Variants in PDE10A observed in about 807,000 individuals in gnomAD.
PDE10A encodes phosphodiesterase 10A, also known as cAMP and cAMP-inhibited cGMP 3',5'-cyclic phosphodiesterase 10A.
PDE10A carries 39 observed loss-of-function variants against 97.7 expected under a neutral mutation model. The ratio of observed to expected loss-of-function variants is 0.40; its 90% CI spans 0.31 to 0.52. The LOEUF is 0.52. Ranked by LOEUF, PDE10A falls within the 20% of genes least tolerant of loss-of-function variation. The pLI, the probability that PDE10A is intolerant of heterozygous loss-of-function variation, is 0.56. For synonymous variants in PDE10A, 371 were observed against 376.8 expected, an observed-to-expected ratio of 0.98 and a Z score of 0.18; for missense variants, 731 against 1,047.8, an observed-to-expected ratio of 0.70 and a Z score of 4.17.
chr6:165,443,285 G>T (rs1790605989), intron 5 of PDE10A, among the ~76,000 whole-genome samples: 1 of 152,038 alleles, frequency 6.6e-6, no homozygotes, highest in African/African-American at 2.4e-5. Context: ...AACAAATGGG[G>T]TACAGGCCCT....
chr6:165,921,182 C>T (rs145462687), intron 1 of PDE10A, among the ~76,000 whole-genome samples: 19 of 152,298 alleles, frequency 1.2e-4, no homozygotes, highest in African/African-American at 4.6e-4. Flanking sequence ...GGATTATCTC[C>T]AATAACTGGG....
chr6:165,439,468 C>T (rs1195415176), intron 5 of PDE10A, among the ~76,000 whole-genome samples: 1 of 152,118 alleles, frequency 6.6e-6, no homozygotes, highest in African/African-American at 2.4e-5. Flanking sequence ...TCTACTCGAC[C>T]AAAGGCCGCT....
intron 1 of PDE10A, among the ~76,000 whole-genome samples, chr6:165,612,865 T>C (rs1787562565): frequency 6.6e-6 from 1 of 152,192 alleles, no homozygotes; most frequent in Non-Finnish European, 1.5e-5. Context: ...ACCAAAATCT[T>C]ACTGTTTTAA....
rs370604056 is a variant in PDE10A, at chr6:165,435,293, C to T, written c.1279G>A (p.Val427Ile). The change falls in exon 6 of 22, where the codon GTC becomes ATC. Residue 427 changes from valine (V) to isoleucine (I), a missense_variant. This residue lies in a region of PDE10A where 152 missense variants were observed against 199.3 expected (regional missense o/e 0.76). Coordinates refer to ENST00000539869, the MANE Select transcript of PDE10A (RefSeq NM_001385079.1). ...PAGPITQGTT[V>I]SAYVAKSRKT... ...CTGGACTTGGCCACATAAGCAGAGA[C>T]GGTGGTGCCCTGAGTGATGGGCCCA... 98 of 1,613,932 alleles carry T rather than the reference C, an allele frequency of 6.1e-5. No individual in the cohort carries two copies. The highest frequency in any genetic ancestry group is 3.3e-4 in the Middle Eastern group (2 of 6,084).
At chr6:165,511,764 A>G (rs536646458) in intron 2 of PDE10A, among the ~76,000 whole-genome samples, 9 of 152,130 alleles carry the variant, frequency 5.9e-5, no homozygotes, top group African/African-American at 2.2e-4. Flanking sequence ...TTATCATTCT[A>G]CATGATCTCA....
At chr6:165,816,310 T>C (rs146170174) in intron 1 of PDE10A, among the ~76,000 whole-genome samples, 1 of 152,214 alleles carries the variant, frequency 6.6e-6, no homozygotes, top group Non-Finnish European at 1.5e-5. Context: ...ATAAAGAAAC[T>C]TGAATAACCA....
chr6:165,471,559 T>C (rs577102391), intron 3 of PDE10A, among the ~76,000 whole-genome samples: 2 of 152,248 alleles, frequency 1.3e-5, no homozygotes, highest in Admixed American at 1.3e-4. Context: ...AACCACCCCC[T>C]GAACACACAC....
At chr6:165,696,547 G>T (rs970435478) in intron 1 of PDE10A, among the ~76,000 whole-genome samples, 3 of 152,148 alleles carry the variant, frequency 2.0e-5, no homozygotes, top group Non-Finnish European at 4.4e-5. Context: ...TCCACTGGGG[G>T]GGTCTTGGAA....
intron 1 of PDE10A, among the ~76,000 whole-genome samples, chr6:165,652,833 G>GA (rs1212656535): frequency 2.0e-5 from 3 of 152,186 alleles, no homozygotes; most frequent in African/African-American, 7.2e-5. Context: ...TTGCTGTGTA[G>GA]AAATGTTTTC....
intron 1 of PDE10A, among the ~76,000 whole-genome samples, chr6:165,931,205 A>T (rs1236915397): frequency 6.6e-6 from 1 of 152,192 alleles, no homozygotes; most frequent in African/African-American, 2.4e-5. Flanking sequence ...CTAGCTAGGG[A>T]AGCAGCTCTG....
intron 1 of PDE10A, among the ~76,000 whole-genome samples, chr6:165,825,584 C>T (rs1165979727): frequency 3.9e-5 from 6 of 152,306 alleles, no homozygotes; most frequent in Admixed American, 3.3e-4. Context: ...GCCATCTGGG[C>T]GGCCACAAAA....
chr6:165,906,765 A>C (rs376374426), intron 1 of PDE10A, among the ~76,000 whole-genome samples: 2 of 152,342 alleles, frequency 1.3e-5, no homozygotes, highest in African/African-American at 4.8e-5. Flanking sequence ...CAAAGGGCAG[A>C]TCCTTTCCCT....
chr6:165,445,563 G>C (rs373538746), intron 5 of PDE10A, among the ~76,000 whole-genome samples: 2 of 152,316 alleles, frequency 1.3e-5, no homozygotes, highest in Admixed American at 1.3e-4. Context: ...TTCATCTTGG[G>C]TTGAAGGACA....
chr6:165,487,625 G>A lies in PDE10A; in HGVS notation c.995-5282C>T, dbSNP rs374292349. 2.3e-4 allele frequency among the ~76,000 whole-genome samples: 35 copies of A among 152,264 alleles called. 1 individual carries two copies. The highest frequency in any genetic ancestry group is 8.2e-4 in the African/African-American group (34 of 41,562). Reference sequence around the variant, plus strand: ...GGACTAAGGTTTGAAGCCCAAACCTGCAGTCACTAGTGATATTACATTGGG... The same window carrying A: ...GGACTAAGGTTTGAAGCCCAAACCTACAGTCACTAGTGATATTACATTGGG... On this transcript the variant is annotated intron_variant, in intron 2 of 21. Transcript: ENST00000539869.
intron 1 of PDE10A, among the ~76,000 whole-genome samples, chr6:165,617,842 C>T (rs1787799270): frequency 6.6e-6 from 1 of 152,154 alleles, no homozygotes; most frequent in African/African-American, 2.4e-5. Flanking sequence ...ATTCTAACGG[C>T]TCTCAGTGGT....
At chr6:165,429,438 C>T (rs1263949345) in intron 9 of PDE10A, among the ~76,000 whole-genome samples, 1 of 152,058 alleles carries the variant, frequency 6.6e-6, no homozygotes, top group South Asian at 2.1e-4. Context: ...CAGTCCCATA[C>T]TTCTTTAATT....
intron 1 of PDE10A, among the ~76,000 whole-genome samples, chr6:165,929,153 C>T (rs1451191294): frequency 6.6e-6 from 1 of 152,184 alleles, no homozygotes; most frequent in Non-Finnish European, 1.5e-5. Flanking sequence ...ATTCAGTCTA[C>T]AGCCTCACAT....
intron 2 of PDE10A, among the ~76,000 whole-genome samples, chr6:165,524,398 C>T (rs909190760): frequency 2.0e-5 from 3 of 152,116 alleles, no homozygotes; most frequent in Non-Finnish European, 2.9e-5. Flanking sequence ...ATGGAGAACA[C>T]CAATAGTCCT....
chr6:165,416,486 C>T (rs903985860), intron 11 of PDE10A, among the ~76,000 whole-genome samples: 4 of 152,164 alleles, frequency 2.6e-5, no homozygotes, highest in Non-Finnish European at 1.5e-5. Context: ...CACCTGAGAA[C>T]CTTAAAATAT....
Sources: gnomAD v4.1 joint callset for allele counts (sites outside exome capture counted in the v4.1 genomes callset) on GRCh38, gnomAD v4.1.1 for gene constraint, gnomAD v4.1.1 regional missense constraint, MANE v1.5 for transcripts, NCBI Gene and HGNC (gene_info 2026-07-23, HGNC 2026-07-21) for gene names.